CA10: variants seen among roughly 807,000 people sequenced by gnomAD.
CA10 encodes carbonic anhydrase-related protein 10.
In CA10, 14 loss-of-function variants were observed where a neutral mutation model predicts 44.2. That is an observed-to-expected ratio of 0.32 (90% CI 0.21 to 0.50). The LOEUF (loss-of-function observed/expected upper bound fraction) is 0.50. Ranked by LOEUF, CA10 falls within the 20% of genes least tolerant of loss-of-function variation. The probability of loss-of-function intolerance (pLI) is 0.99; values close to 1 mark genes in which losing one functional copy is unlikely to be tolerated. For synonymous variants in CA10, 159 were observed against 141.6 expected (o/e 1.12, Z -0.87); for missense variants, 350 against 409.7 (o/e 0.85, Z 1.26).
chr17:51,692,352 A>G lies in CA10; in HGVS notation c.466-38616T>C, dbSNP rs997136219. 6.1e-5 allele frequency among the ~76,000 whole-genome samples: 9 copies of G among 148,100 alleles called. No individual in the cohort carries two copies. The South Asian group carries it at 1.9e-3, about 32-fold the overall frequency. On this transcript the variant is annotated intron_variant, in intron 4 of 8. Transcript: ENST00000451037. ...CAGTTTGTTTTCTATCTACCTACCT[A>G]TCTACCTATCCATCCTATCTATCTA...
intron 2 of CA10, among the ~76,000 whole-genome samples, chr17:51,960,067 G>A (rs1467918416): frequency 1.3e-5 from 2 of 151,620 alleles, no homozygotes; most frequent in Non-Finnish European, 2.9e-5. Flanking sequence ...GGAAAGAAAT[G>A]TTGTAAAAAA....
At chr17:51,669,362 A>G (rs1014271181) in intron 4 of CA10, among the ~76,000 whole-genome samples, 1 of 152,114 alleles carries the variant, frequency 6.6e-6, no homozygotes, top group Admixed American at 6.5e-5. Context: ...GTGTCCAGCT[A>G]AAGGATTGTA....
intron 3 of CA10, among the ~76,000 whole-genome samples, chr17:51,894,551 T>C (rs1980991338): frequency 6.6e-6 from 1 of 152,152 alleles, no homozygotes; most frequent in Non-Finnish European, 1.5e-5. Flanking sequence ...GATACAATTT[T>C]TTTCATGTAA....
At chr17:51,732,666 A>G (rs1362407219) in intron 4 of CA10, among the ~76,000 whole-genome samples, 3 of 152,130 alleles carry the variant, frequency 2.0e-5, no homozygotes, top group Non-Finnish European at 4.4e-5. Context: ...TCCCACATGG[A>G]TAGCTGATTG....
At chr17:52,156,734 C>G (rs946221002) in intron 1 of CA10, among the ~76,000 whole-genome samples, 1 of 152,172 alleles carries the variant, frequency 6.6e-6, no homozygotes, top group African/African-American at 2.4e-5. Flanking sequence ...GGCCGAGTCC[C>G]CACTTCTGCA....
At chr17:51,828,173 T>G (rs1314144113) in intron 3 of CA10, among the ~76,000 whole-genome samples, 1 of 152,156 alleles carries the variant, frequency 6.6e-6, no homozygotes, top group East Asian at 1.9e-4. Context: ...CACAGCCTCT[T>G]GTGACTAGGG....
At chr17:52,051,785 C>A (rs561541933) in intron 2 of CA10, among the ~76,000 whole-genome samples, 1 of 152,024 alleles carries the variant, frequency 6.6e-6, no homozygotes, top group African/African-American at 2.4e-5. Flanking sequence ...TGAGTATATA[C>A]CCAAAAGGAC....
chr17:51,823,361 G>C (rs1907889718), intron 3 of CA10, among the ~76,000 whole-genome samples: 1 of 152,198 alleles, frequency 6.6e-6, no homozygotes, highest in Non-Finnish European at 1.5e-5. Flanking sequence ...TCCAGTTCCA[G>C]CCAAGGGCGA....
chr17:51,902,817 A>G (rs1185501577), intron 3 of CA10, among the ~76,000 whole-genome samples: 1 of 152,194 alleles, frequency 6.6e-6, no homozygotes, highest in Admixed American at 6.6e-5. Flanking sequence ...GAGAACTATG[A>G]AAGTGTTAGG....
intron 2 of CA10, 112 bp downstream of exon 2, chr17:52,072,207 G>C (rs1430565649): frequency 1.4e-6 from 1 of 706,398 alleles, no homozygotes. Flanking sequence ...AGTATTCATT[G>C]CACACATAAA....
intron 1 of CA10, among the ~76,000 whole-genome samples, chr17:52,099,460 T>C (rs1379279508): frequency 6.6e-6 from 1 of 152,282 alleles, no homozygotes; most frequent in African/African-American, 2.4e-5. Context: ...GGTAGCTACT[T>C]TTTCTGTTTG....
chr17:51,654,312 C>T (rs1172961713), intron 4 of CA10, among the ~76,000 whole-genome samples: 1 of 152,228 alleles, frequency 6.6e-6, no homozygotes. Flanking sequence ...CAATAAGGAT[C>T]AGTCCACCTG....
At chr17:52,028,439 C>CT (rs1436817343) in intron 2 of CA10, among the ~76,000 whole-genome samples, 2 of 152,148 alleles carry the variant, frequency 1.3e-5, no homozygotes, top group Non-Finnish European at 2.9e-5. Context: ...ACACTTCATG[C>CT]TTTGTGGCAT....
At chr17:52,148,779 T>G (rs1285626278) in intron 1 of CA10, among the ~76,000 whole-genome samples, 2 of 152,224 alleles carry the variant, frequency 1.3e-5, no homozygotes, top group Non-Finnish European at 2.9e-5. Flanking sequence ...CTCACACATT[T>G]GTGTGTCACT....
rs139372343 is a variant in CA10 at position 51,716,785 on chromosome 17, T to A, written c.465+30848A>T. 2.1e-3 allele frequency among the ~76,000 whole-genome samples: 319 copies of A among 152,306 alleles called. 1 individual carries two copies. Among genetic ancestry groups the A allele is most frequent in the African/African-American group, 7.3e-3 (305 of 41,552 alleles). Reference sequence around the variant, plus strand: ...TAAAATCCTTTCCTTTATGCACCCTTCAATCTTAAGACCTATTACTGAACA... The same window carrying A: ...TAAAATCCTTTCCTTTATGCACCCTACAATCTTAAGACCTATTACTGAACA... On this transcript the variant is annotated intron_variant, in intron 4 of 8. Coordinates refer to ENST00000451037, the MANE Select transcript of CA10 (RefSeq NM_020178.5).
intron 3 of CA10, among the ~76,000 whole-genome samples, chr17:51,867,664 C>A (rs954608475): frequency 2.0e-5 from 3 of 152,178 alleles, no homozygotes; most frequent in Non-Finnish European, 4.4e-5. Context: ...AGTTCACCAG[C>A]AATTCCAGTT....
chr17:51,810,369 C>A (rs2143737317), intron 3 of CA10, among the ~76,000 whole-genome samples: 1 of 152,248 alleles, frequency 6.6e-6, no homozygotes, highest in South Asian at 2.1e-4. Context: ...AGAAGGGTTT[C>A]TAGCCTGGAC....
chr17:51,689,366 G>C (rs988332399), intron 4 of CA10, among the ~76,000 whole-genome samples: 19 of 152,116 alleles, frequency 1.2e-4, no homozygotes, highest in South Asian at 2.1e-4. Context: ...CCAGCCCAGG[G>C]CCATTTGATT....
chr17:51,747,700 A>G lies in CA10; in HGVS notation c.398T>C (p.Leu133Pro). The change falls in exon 4 of 9, where the codon CTA becomes CCA. Residue 133 changes from leucine (L) to proline (P), a missense_variant. Physicochemically the swap from Leu to Pro is moderately conservative, Grantham distance 98. Transcript: ENST00000451037. Reference sequence around the variant, plus strand: ...TTGGCTGTCCTCACTCCCAAAGTGTAGTCGGATCTCCTCCAGCCGGTGGCT... The same window carrying G: ...TTGGCTGTCCTCACTCCCAAAGTGTGGTCGGATCTCCTCCAGCCGGTGGCT... Reference protein sequence around the residue: ...TYSHRLEEIRLHFGSEDSQGS... With the variant: ...TYSHRLEEIRPHFGSEDSQGS... 1 of 1,614,190 alleles carries G rather than the reference A, an allele frequency of 6.2e-7. No homozygotes were observed. The highest frequency in any genetic ancestry group is 8.5e-7 in the Non-Finnish European group (1 of 1,180,010).
Sources: gnomAD v4.1 joint callset for allele counts (sites outside exome capture counted in the v4.1 genomes callset) on GRCh38, gnomAD v4.1.1 for gene constraint, MANE v1.5 for transcripts, NCBI Gene and HGNC (gene_info 2026-07-23, HGNC 2026-07-21) for gene names.